Variants in PROM1 observed in about 807,000 individuals in gnomAD.
PROM1 encodes the protein prominin 1.
In PROM1, 105 loss-of-function variants were observed where a neutral mutation model predicts 116.9. The observed-to-expected ratio is 0.90, with a 90% CI of 0.77 to 1.06. The LOEUF (loss-of-function observed/expected upper bound fraction) is 1.06. Among genes scored for constraint, PROM1 ranks in the 50% least tolerant of loss-of-function variants. The pLI is 0.00. For synonymous variants in PROM1, 393 were observed against 387.0 expected, an observed-to-expected ratio of 1.02 and a Z score of -0.18; for missense variants, 1,122 against 1,045.2, an observed-to-expected ratio of 1.07 and a Z score of -1.01.
At chr4:16,020,511 C>T (rs941318736) in intron 8 of PROM1, among the ~76,000 whole-genome samples, 4 of 152,224 alleles carry the variant, frequency 2.6e-5, no homozygotes, top group East Asian at 1.9e-4. Context: ...CACAGAAATA[C>T]ACCAGAAATA....
chr4:16,034,738 A>C (rs1008818892), intron 4 of PROM1, among the ~76,000 whole-genome samples: 1 of 152,236 alleles, frequency 6.6e-6, no homozygotes, highest in Non-Finnish European at 1.5e-5. Flanking sequence ...CGAATTCTGA[A>C]GCCAAGCTGA....
chr4:16,007,891 C>T (rs777401340), intron 12 of PROM1, among the ~76,000 whole-genome samples: 2 of 152,090 alleles, frequency 1.3e-5, no homozygotes, highest in African/African-American at 2.4e-5. Context: ...GTTTGTGGGG[C>T]GATGACAAAA....
intron 15 of PROM1, 120 bp from the exon 16 acceptor site, chr4:15,994,191 T>A: frequency 6.6e-7 from 1 of 1,508,162 alleles, no homozygotes; most frequent in Non-Finnish European, 8.9e-7. Context: ...AACACAGAAG[T>A]GGGGCTGCAT....
rs772002283 is a variant in PROM1, at chr4:15,991,300, T to C, written c.1912-7A>G. ...CTGCGGGGGATTTACCAGTCTACAA[T>C]AGAAGTGAAAAAAATTGTCTTATGG... is the stretch of plus-strand genomic sequence containing the variant. On this transcript the variant is annotated splice_region_variant and splice_polypyrimidine_tract_variant and intron_variant, in intron 17 of 27. Transcript: ENST00000447510. The C allele has an allele frequency of 6.3e-7, 1 of 1,583,958 alleles. No individual in the cohort carries two copies. Among genetic ancestry groups the C allele is most frequent in the Non-Finnish European group, 8.5e-7 (1 of 1,169,632 alleles).
At chr4:16,083,381 G>C (rs961364276) in intron 1 of PROM1, 1 of 143,108 alleles carries the variant, frequency 7.0e-6, no homozygotes, top group Non-Finnish European at 1.5e-5. Flanking sequence ...GAAGACCCAA[G>C]CGGGGCGTCG....
chr4:16,015,911 C>CT (rs1728260033), intron 10 of PROM1, among the ~76,000 whole-genome samples: 1 of 152,012 alleles, frequency 6.6e-6, no homozygotes, highest in Non-Finnish European at 1.5e-5. Context: ...ATTCTGAGGC[C>CT]TAGGAAAGCA....
At position 16,006,670 on chromosome 4, in the gene PROM1, A is replaced by C. The variant is rs759882406; in HGVS notation, c.1322T>G (p.Ile441Ser). 4 of 1,613,258 alleles carry C rather than the reference A, an allele frequency of 2.5e-6. No individual in the cohort carries two copies. The South Asian group carries it at 4.4e-5, about 18-fold the overall frequency. Residue 441 changes from isoleucine (I) to serine (S), a missense_variant, in exon 13 of 28, where the codon ATC (isoleucine) becomes AGC (serine). Coordinates refer to ENST00000447510, the MANE Select transcript of PROM1 (RefSeq NM_006017.3). The stretch of plus-strand genomic sequence containing the variant: ...CACGATGAGGGTCAGCAGAGAGCAG[A>C]TGACCAGGCCACCCAGCCACCTGGA... The part of the protein sequence containing the change: ...DSYWWLGGLV[I>S]CSLLTLIVIF...
rs539263690 is a variant in PROM1, at chr4:16,067,316, A to G, written c.220+8371T>C. On this transcript the variant is annotated intron_variant, in intron 2 of 27. Transcript: ENST00000447510. Reference sequence around the variant, plus strand: ...TCACTTTCCTCATCAGCGAAAGAAAAGTGGCAATTATGACTTGCCTCTGAA... The same window carrying G: ...TCACTTTCCTCATCAGCGAAAGAAAGGTGGCAATTATGACTTGCCTCTGAA... 2.6e-5 allele frequency among the ~76,000 whole-genome samples: 4 copies of G among 152,354 alleles called. No individual in the cohort carries two copies. The East Asian group carries it at 7.7e-4, about 29-fold the overall frequency.
In PROM1 at chr4:16,039,015, C is replaced by G. The variant is rs1734572720; in HGVS notation, c.221-14G>C. The G allele has an allele frequency of 6.8e-7, 1 of 1,470,518 alleles. No homozygotes were observed. Among genetic ancestry groups the G allele is most frequent in the African/African-American group, 1.4e-5 (1 of 69,176 alleles). The allele number at this position is 1,470,518 out of a possible 1,614,324, so 91.1% of individuals were successfully genotyped here. A position where few individuals can be genotyped will look rare whatever the true frequency, so the allele number is the denominator to read the frequency against. ...TTCTCAAAGTATCTGGAAAAAAAGCCACAAAATAGCAATATTATTTTTTCA... is the reference window on the plus strand; with the variant it reads ...TTCTCAAAGTATCTGGAAAAAAAGCGACAAAATAGCAATATTATTTTTTCA... On this transcript the variant is annotated splice_polypyrimidine_tract_variant and intron_variant, in intron 2 of 27. Transcript: ENST00000447510.
At chr4:15,977,464 T>A (rs773380034) in intron 26 of PROM1, among the ~76,000 whole-genome samples, 2 of 152,198 alleles carry the variant, frequency 1.3e-5, no homozygotes, top group Non-Finnish European at 2.9e-5. Flanking sequence ...AGCCGTACTG[T>A]CTACTCTCCC....
At chr4:16,013,215 C>T in intron 11 of PROM1, 60 bp downstream of exon 11, 2 of 1,333,394 alleles carry the variant, frequency 1.5e-6, no homozygotes, top group Non-Finnish European at 2.1e-6. Context: ...CAATACTTGG[C>T]AACACATTTC....
intron 2 of PROM1, among the ~76,000 whole-genome samples, chr4:16,072,088 T>C (rs938917719): frequency 3.3e-5 from 5 of 152,180 alleles, no homozygotes. Flanking sequence ...CATTCTGCCA[T>C]GTCAACACAG....
At chr4:15,989,395 C>G (rs1366177933) in intron 19 of PROM1, among the ~76,000 whole-genome samples, 1 of 151,950 alleles carries the variant, frequency 6.6e-6, no homozygotes, top group African/African-American at 2.4e-5. Flanking sequence ...TATTTCTAGA[C>G]AAAGCTCGGA....
chr4:16,080,252 G>A (rs1195924004), intron 1 of PROM1, among the ~76,000 whole-genome samples: 1 of 151,544 alleles, frequency 6.6e-6, no homozygotes, highest in East Asian at 2.0e-4. Flanking sequence ...CGGGCGTGGT[G>A]GCTCAAGCCT....
At chr4:15,974,144 A>C (rs909919643) in intron 26 of PROM1, among the ~76,000 whole-genome samples, 17 of 87,348 alleles carry the variant, frequency 1.9e-4, no homozygotes, top group South Asian at 8.1e-4. Context: ...CTCTCTCTCT[A>C]AAGAACTCCC....
intron 9 of PROM1, 131 bp from the exon 10 acceptor site, chr4:16,016,371 G>T: frequency 1.4e-6 from 1 of 715,776 alleles, no homozygotes; most frequent in Non-Finnish European, 2.3e-6. Context: ...AGTTTCTTTT[G>T]AACAATAGAG....
chr4:16,051,446 A>G (rs1737869587), intron 2 of PROM1, among the ~76,000 whole-genome samples: 1 of 152,230 alleles, frequency 6.6e-6, no homozygotes, highest in Non-Finnish European at 1.5e-5. Context: ...ACATTAACAA[A>G]TGATCAGCTG....
intron 1 of PROM1, among the ~76,000 whole-genome samples, chr4:16,077,184 G>A (rs1744146838): frequency 6.6e-6 from 1 of 152,202 alleles, no homozygotes; most frequent in Admixed American, 6.5e-5. Context: ...CTGGGCAATG[G>A]AATGTCTCGG....
intron 12 of PROM1, among the ~76,000 whole-genome samples, chr4:16,008,379 C>T (rs1377982247): frequency 2.6e-5 from 4 of 152,248 alleles, no homozygotes. Context: ...GTGGGCACCA[C>T]AGCCACTCAC....
Sources: gnomAD v4.1 joint callset for allele counts (sites outside exome capture counted in the v4.1 genomes callset) on GRCh38, gnomAD v4.1.1 for gene constraint, MANE v1.5 for transcripts, NCBI Gene and HGNC (gene_info 2026-07-23, HGNC 2026-07-21) for gene names.